Variants in PTPRD observed in about 807,000 individuals in gnomAD.
PTPRD encodes the protein receptor-type tyrosine-protein phosphatase delta.
PTPRD carries 34 observed loss-of-function variants against 214.5 expected under a neutral mutation model. That is an observed-to-expected ratio of 0.16 (90% confidence interval 0.12 to 0.21). The LOEUF (loss-of-function observed/expected upper bound fraction) is 0.21. PTPRD is among the 10% of genes least tolerant of loss of function. The pLI is 1.00. For missense variants in PTPRD, 2,545 were observed against 2,398.7 expected, an observed-to-expected ratio of 1.06 and a Z score of -1.27; for synonymous variants, 1,128 against 845.7, an observed-to-expected ratio of 1.33 and a Z score of -5.79.
intron 3 of PTPRD, among the ~76,000 whole-genome samples, chr9:10,215,930 A>G: frequency 6.6e-6 from 1 of 151,974 alleles, no homozygotes; most frequent in South Asian, 2.1e-4. Context: ...GACAACATAT[A>G]AATCAGAGGA....
chr9:10,203,559 T>C (rs1195921836), intron 3 of PTPRD, among the ~76,000 whole-genome samples: 2 of 152,172 alleles, frequency 1.3e-5, no homozygotes, highest in Admixed American at 6.6e-5. Flanking sequence ...GGTTTTACAA[T>C]GACTTCTGTT....
chr9:8,659,244 G>A (rs1565064275), intron 12 of PTPRD, among the ~76,000 whole-genome samples: 1 of 152,182 alleles, frequency 6.6e-6, no homozygotes, highest in Non-Finnish European at 1.5e-5. Flanking sequence ...TTCTTCAAGT[G>A]AATGCTGAGA....
chr9:10,595,878 A>G (rs1033569396), intron 2 of PTPRD, among the ~76,000 whole-genome samples: 1 of 151,808 alleles, frequency 6.6e-6, no homozygotes, highest in Non-Finnish European at 1.5e-5. Flanking sequence ...ATATCTTACA[A>G]TAAGATTGTC....
chr9:9,387,633 G>A (rs1432751515), intron 9 of PTPRD, among the ~76,000 whole-genome samples: 1 of 151,940 alleles, frequency 6.6e-6, no homozygotes, highest in East Asian at 1.9e-4. Flanking sequence ...TGTCCATTAT[G>A]GACACTTCAG....
chr9:9,750,475 C>G (rs2098506046), intron 6 of PTPRD, among the ~76,000 whole-genome samples: 1 of 152,244 alleles, frequency 6.6e-6, no homozygotes, highest in Admixed American at 6.5e-5. Flanking sequence ...CTTCTCCTCC[C>G]TTTGTTTAAC....
At chr9:8,494,530 T>C (rs531796451) in intron 26 of PTPRD, among the ~76,000 whole-genome samples, 2 of 152,318 alleles carry the variant, frequency 1.3e-5, no homozygotes, top group South Asian at 2.1e-4. Flanking sequence ...GCCAACATTA[T>C]GGTTTCCAAG....
In PTPRD at chr9:9,789,306, C is replaced by G. The variant is rs1046180985; in HGVS notation, c.-367-22455G>C. Among the ~76,000 whole-genome samples, 3 of 152,262 alleles carry G rather than the reference C, an allele frequency of 2.0e-5. No homozygotes were observed. The South Asian group carries it at 6.2e-4, about 32-fold the overall frequency. On this transcript the variant is annotated intron_variant, in intron 5 of 45. Coordinates refer to ENST00000381196, the MANE Select transcript of PTPRD (RefSeq NM_002839.4). ...TTGGCCTATAGGCAAGTTCCCGTAG[C>G]GTATGAGATTTTCAGTGCGTAACTA...
At chr9:8,524,583 C>T (rs554769651) in intron 18 of PTPRD, among the ~76,000 whole-genome samples, 47 of 151,536 alleles carry the variant, frequency 3.1e-4, no homozygotes, top group African/African-American at 1.0e-3. Flanking sequence ...AATAAGGAAA[C>T]AGAAGAGAAA....
At chr9:10,113,910 T>C (rs1435958586) in intron 3 of PTPRD, among the ~76,000 whole-genome samples, 1 of 152,192 alleles carries the variant, frequency 6.6e-6, no homozygotes, top group African/African-American at 2.4e-5. Flanking sequence ...GGGATTCATT[T>C]ACTGTTAGCC....
At chr9:9,903,129 A>C (rs990373070) in intron 5 of PTPRD, among the ~76,000 whole-genome samples, 1 of 152,178 alleles carries the variant, frequency 6.6e-6, no homozygotes, top group African/African-American at 2.4e-5. Context: ...AATGTGAAAG[A>C]AACAGCTAAT....
chr9:8,773,693 G>C (rs2095336584), intron 11 of PTPRD, among the ~76,000 whole-genome samples: 1 of 152,092 alleles, frequency 6.6e-6, no homozygotes. Flanking sequence ...TCTTTACATT[G>C]ATTTAGAAAT....
At chr9:9,302,351 A>C (rs1489544050) in intron 9 of PTPRD, among the ~76,000 whole-genome samples, 1 of 151,926 alleles carries the variant, frequency 6.6e-6, no homozygotes, top group Non-Finnish European at 1.5e-5. Flanking sequence ...TCATACACAC[A>C]ATTGTTATTG....
intron 8 of PTPRD, among the ~76,000 whole-genome samples, chr9:9,449,972 G>T (rs1371314959): frequency 6.6e-6 from 1 of 151,940 alleles, no homozygotes; most frequent in African/African-American, 2.4e-5. Flanking sequence ...TTATAAGTGA[G>T]AATGAACGAT....
intron 5 of PTPRD, among the ~76,000 whole-genome samples, chr9:9,767,932 T>C (rs1187009172): frequency 6.6e-6 from 1 of 152,174 alleles, no homozygotes; most frequent in Non-Finnish European, 1.5e-5. Context: ...TACTGGGTGA[T>C]GGAAGGAAAT....
intron 7 of PTPRD, among the ~76,000 whole-genome samples, chr9:9,576,396 C>T (rs1395365681): frequency 6.6e-6 from 1 of 152,042 alleles, no homozygotes; most frequent in Non-Finnish European, 1.5e-5. Flanking sequence ...TCCAGTAGAC[C>T]TCCCGGGCTC....
chr9:9,715,930 G>A (rs1222263799), intron 7 of PTPRD, among the ~76,000 whole-genome samples: 1 of 152,100 alleles, frequency 6.6e-6, no homozygotes, highest in African/African-American at 2.4e-5. Flanking sequence ...GTATACATGT[G>A]CCATGCTGGT....
At chr9:9,928,048 G>A (rs10733554) in intron 5 of PTPRD, among the ~76,000 whole-genome samples, 1 of 151,868 alleles carries the variant, frequency 6.6e-6, no homozygotes, top group Non-Finnish European at 1.5e-5. Context: ...TGTGAACAAC[G>A]TTTCATCTTC....
intron 10 of PTPRD, among the ~76,000 whole-genome samples, chr9:9,128,742 G>T (rs188667042): frequency 2.1e-4 from 32 of 152,324 alleles, no homozygotes; most frequent in Non-Finnish European, 3.7e-4. Flanking sequence ...TTTAGGTTTC[G>T]TGTAAAAGAC....
At chr9:8,498,886 C>G (rs762321691) in intron 25 of PTPRD, among the ~76,000 whole-genome samples, 1 of 152,122 alleles carries the variant, frequency 6.6e-6, no homozygotes, top group Non-Finnish European at 1.5e-5. Flanking sequence ...TGAATCACCT[C>G]TAATTTATGA....
Sources: allele counts gnomAD v4.1 joint callset (sites outside exome capture counted in the v4.1 genomes callset), GRCh38; gene constraint gnomAD v4.1.1; transcripts MANE v1.5; gene names NCBI Gene and HGNC (gene_info 2026-07-23, HGNC 2026-07-21).